The following WDR27 variants were observed in gnomAD, a reference collection of about 807,000 sequenced individuals.
WDR27 encodes WD repeat domain 27.
A neutral mutation model predicts 114.4 loss-of-function variants in WDR27; 100 were observed. The ratio of observed to expected loss-of-function variants is 0.87; its 90% CI spans 0.74 to 1.03. The LOEUF is 1.03. Among genes scored for constraint, WDR27 ranks in the 50% least tolerant of loss-of-function variants. The pLI, the probability that WDR27 is intolerant of heterozygous loss-of-function variation, is 0.00. For synonymous variants in WDR27, 449 were observed against 423.1 expected (o/e 1.06, Z -0.75); for missense variants, 1,129 against 1,092.9 (o/e 1.03, Z -0.47).
intron 25 of WDR27, among the ~76,000 whole-genome samples, chr6:169,544,426 C>CTTTTTTTTTTTTT (rs201281369): frequency 4.3e-5 from 6 of 140,868 alleles, no homozygotes; most frequent in East Asian, 2.1e-4. Flanking sequence ...ATTTCTTTTC[C>CTTTTTTTTTTTTT]TTTTTTTTTT....
chr6:169,658,303 T>C lies in WDR27; in HGVS notation c.1375A>G (p.Thr459Ala), dbSNP rs1261941143. ...CGTCGCTGTTCACTAGCAGCCTTGG[T>C]ACTCTTCTCCTTGGCAATTCCCAGA... is the stretch of plus-strand genomic sequence containing the variant. ...LYLGIAKEKS[T>A]KAASEQRRAA... The change falls in exon 13 of 26, where the codon ACC (threonine) becomes GCC (alanine). Residue 459 changes from threonine to alanine, a missense_variant. Coordinates refer to ENST00000448612, the MANE Select transcript of WDR27 (RefSeq NM_182552.5). 2 of 1,601,974 alleles carry C rather than the reference T, an allele frequency of 1.2e-6. No individual in the cohort carries two copies. Among genetic ancestry groups the C allele is most frequent in the African/African-American group, 1.3e-5 (1 of 74,692 alleles).
intron 25 of WDR27, among the ~76,000 whole-genome samples, chr6:169,536,645 A>T (rs1796228466): frequency 1.3e-5 from 2 of 152,216 alleles, no homozygotes; most frequent in Non-Finnish European, 2.9e-5. Flanking sequence ...CTTTAAGCCA[A>T]GAAGTTTTCT....
intron 25 of WDR27, among the ~76,000 whole-genome samples, chr6:169,525,599 C>A (rs544789411): frequency 6.6e-6 from 1 of 150,638 alleles, no homozygotes; most frequent in African/African-American, 2.4e-5. Flanking sequence ...ATGACATATG[C>A]GGGCAAGGAT....
intron 14 of WDR27, among the ~76,000 whole-genome samples, chr6:169,650,182 ATC>A (rs1214514784): frequency 2.4e-5 from 3 of 124,398 alleles, no homozygotes; most frequent in African/African-American, 6.4e-5. Context: ...CTACTTATCC[ATC>A]TCTCATCTCT....
At chr6:169,478,925 A>T (rs1787568552) in intron 25 of WDR27, among the ~76,000 whole-genome samples, 1 of 152,214 alleles carries the variant, frequency 6.6e-6, no homozygotes, top group Admixed American at 6.5e-5. Context: ...TGGACTAAAG[A>T]TTTAAACGTA....
chr6:169,574,157 G>A (rs965680080), intron 24 of WDR27, among the ~76,000 whole-genome samples: 1 of 152,264 alleles, frequency 6.6e-6, no homozygotes, highest in African/African-American at 2.4e-5. Flanking sequence ...TCAGAGTCTT[G>A]GATTCCGAAG....
At chr6:169,481,773 T>C (rs984041434) in intron 25 of WDR27, among the ~76,000 whole-genome samples, 1 of 152,100 alleles carries the variant, frequency 6.6e-6, no homozygotes, top group African/African-American at 2.4e-5. Flanking sequence ...CTTAAAGAAC[T>C]GTAACACTCA....
At chr6:169,698,758 AG>A (rs1395985376) in intron 1 of WDR27, among the ~76,000 whole-genome samples, 1 of 152,160 alleles carries the variant, frequency 6.6e-6, no homozygotes, top group African/African-American at 2.4e-5. Flanking sequence ...TTCATGCTGG[AG>A]GCGGAGGGCT....
chr6:169,577,762 C>A (rs1291343791), intron 24 of WDR27, among the ~76,000 whole-genome samples: 1 of 152,208 alleles, frequency 6.6e-6, no homozygotes, highest in Non-Finnish European at 1.5e-5. Context: ...CCAAGACATT[C>A]GCCGCAGCAG....
chr6:169,551,330 C>T (rs1426129657), intron 25 of WDR27, among the ~76,000 whole-genome samples: 1 of 152,092 alleles, frequency 6.6e-6, no homozygotes, highest in East Asian at 1.9e-4. Flanking sequence ...CTCACTGGGC[C>T]CCCTTATCTG....
rs140636576 is a variant in WDR27, at chr6:169,631,466, C to T, written c.2223+1481G>A. On this transcript the variant is annotated intron_variant, in intron 21 of 25. Coordinates refer to ENST00000448612, the MANE Select transcript of WDR27 (RefSeq NM_182552.5). ...TTAAAAGGAAGGCAAGATAAAGACG[C>T]CTGTCGGAGCCTTTAAACCCTCCCT... Among the ~76,000 whole-genome samples the T allele has an allele frequency of 1.9e-3, 286 of 152,236 alleles. 1 individual carries two copies. Among genetic ancestry groups the T allele is most frequent in the African/African-American group, 6.5e-3 (271 of 41,538 alleles).
rs925404948 is a variant in WDR27, at chr6:169,627,235, T to C, written c.2223+5712A>G. Among the ~76,000 whole-genome samples, 3 of 152,362 alleles carry C rather than the reference T, an allele frequency of 2.0e-5. No individual in the cohort carries two copies. The East Asian group carries it at 5.8e-4, about 29-fold the overall frequency. On this transcript the variant is annotated intron_variant, in intron 21 of 25. Transcript: ENST00000448612. ...ATGCTTTAAGTCTTGAAAATAAATG[T>C]ATTACAATCAAACTAACAAAATATA...
At chr6:169,566,204 G>A (rs958015717) in intron 25 of WDR27, among the ~76,000 whole-genome samples, 6 of 152,208 alleles carry the variant, frequency 3.9e-5, no homozygotes, top group African/African-American at 1.4e-4. Context: ...ATTTTGTAGC[G>A]TAAACAATAG....
At chr6:169,577,208 C>A (rs1802513683) in intron 24 of WDR27, among the ~76,000 whole-genome samples, 1 of 152,170 alleles carries the variant, frequency 6.6e-6, no homozygotes, top group South Asian at 2.1e-4. Context: ...GATTTTCTGC[C>A]GGGTGGGTGC....
the WDR27 span, among the ~76,000 whole-genome samples, chr6:169,442,436 C>T: frequency 6.6e-6 from 1 of 152,188 alleles, no homozygotes; most frequent in African/African-American, 2.4e-5. Flanking sequence ...TGGAACCTCC[C>T]TTTTCATGTT....
Position 169,667,984 on chromosome 6 carries a change from T to G in WDR27, c.658A>C (p.Lys220Gln). Residue 220 changes from lysine (K) to glutamine (Q), a missense_variant and splice_region_variant, in exon 5 of 26, where the codon AAG becomes CAG. Coordinates refer to ENST00000448612, the MANE Select transcript of WDR27 (RefSeq NM_182552.5). The stretch of plus-strand genomic sequence containing the variant: ...GCCATCCAGCGTCCATCCCTCACCT[T>G]AAAGCCTCTGTCCTCAGACGCCGAG... ...LISASEDRGFKVWDHCTGSLI... is the reference protein window; with the variant it reads ...LISASEDRGFQVWDHCTGSLI... 1.2e-6 allele frequency: 2 copies of G among 1,612,622 alleles called. No individual in the cohort carries two copies. Among genetic ancestry groups the G allele is most frequent in the Non-Finnish European group, 1.7e-6 (2 of 1,179,442 alleles).
At chr6:169,488,791 G>A (rs1789312448) in intron 25 of WDR27, among the ~76,000 whole-genome samples, 1 of 152,144 alleles carries the variant, frequency 6.6e-6, no homozygotes, top group Non-Finnish European at 1.5e-5. Flanking sequence ...TCCCAGTCAC[G>A]GAGCTCAAGT....
At chr6:169,697,323 C>T (rs541208898) in intron 1 of WDR27, among the ~76,000 whole-genome samples, 6 of 152,274 alleles carry the variant, frequency 3.9e-5, no homozygotes, top group African/African-American at 7.2e-5. Context: ...CTTGGTCTAG[C>T]GGTAACGCCA....
chr6:169,696,300 G>A (rs980803084), intron 1 of WDR27, among the ~76,000 whole-genome samples: 5 of 152,212 alleles, frequency 3.3e-5, no homozygotes, highest in Non-Finnish European at 7.3e-5. Flanking sequence ...GGTGCTAGGA[G>A]ATCTTGGGAA....
Sources: allele counts gnomAD v4.1 joint callset (sites outside exome capture counted in the v4.1 genomes callset), GRCh38; gene constraint gnomAD v4.1.1; transcripts MANE v1.5; gene names NCBI Gene and HGNC (gene_info 2026-07-23, HGNC 2026-07-21).